PHF14: variants seen among roughly 807,000 people sequenced by gnomAD.
PHF14 encodes the protein PHD finger protein 14.
A neutral mutation model predicts 117.9 loss-of-function variants in PHF14; 55 were observed. That is an observed-to-expected ratio of 0.47 (90% CI 0.38 to 0.58). The LOEUF (loss-of-function observed/expected upper bound fraction) is 0.58. PHF14 is among the 20% of genes least tolerant of loss of function. PHF14 has a pLI of 0.00. For missense variants in PHF14, 978 were observed against 1,122.2 expected (o/e 0.87, Z 1.84); for synonymous variants, 409 against 368.6 (o/e 1.11, Z -1.26).
chr7:11,002,955 CT>C (rs966811367), intron 4 of PHF14, among the ~76,000 whole-genome samples: 54 of 148,336 alleles, frequency 3.6e-4, no homozygotes, highest in African/African-American at 9.6e-4. Context: ...ATTTTTCTTT[CT>C]TTTTTTTTTG....
At chr7:11,109,028 A>G (rs1267629508) in intron 16 of PHF14, 7 of 151,936 alleles carry the variant, frequency 4.6e-5, no homozygotes, top group Admixed American at 4.6e-4. Flanking sequence ...GCACTACCCA[A>G]AAACCTAAAG....
At chr7:11,006,320 A>AT (rs1783091312) in intron 4 of PHF14, 2 of 415,868 alleles carry the variant, frequency 4.8e-6, no homozygotes, top group Non-Finnish European at 9.2e-6. Context: ...CTTGCCTGTC[A>AT]TTTTCTTAGT....
At chr7:11,040,041 T>C (rs760990680) in intron 11 of PHF14, among the ~76,000 whole-genome samples, 5 of 152,182 alleles carry the variant, frequency 3.3e-5, no homozygotes, top group Non-Finnish European at 7.4e-5. Context: ...TAAAAGACTT[T>C]TAACAGAGGT....
At chr7:11,164,611 C>A (rs577670642) in intron 17 of PHF14, among the ~76,000 whole-genome samples, 8 of 152,232 alleles carry the variant, frequency 5.3e-5, no homozygotes, top group Non-Finnish European at 8.8e-5. Flanking sequence ...TTTTTATTTT[C>A]TGTTTCTTTA....
intron 17 of PHF14, among the ~76,000 whole-genome samples, chr7:11,133,971 C>T (rs185720106): frequency 7.2e-5 from 11 of 152,102 alleles, no homozygotes; most frequent in African/African-American, 2.4e-4. Flanking sequence ...GGATATTAAT[C>T]ACTTAAGTAG....
chr7:10,997,974 A>G (rs1382702909), intron 4 of PHF14, among the ~76,000 whole-genome samples: 1 of 152,220 alleles, frequency 6.6e-6, no homozygotes, highest in African/African-American at 2.4e-5. Context: ...CTGATTATTA[A>G]GGGCTATCTT....
intron 4 of PHF14, among the ~76,000 whole-genome samples, chr7:11,012,445 G>A (rs1425993445): frequency 2.0e-5 from 3 of 152,160 alleles, no homozygotes; most frequent in African/African-American, 7.2e-5. Flanking sequence ...TCCCACAAGT[G>A]TATTTTCACT....
At chr7:10,986,997 A>T (rs17536992) in intron 3 of PHF14, among the ~76,000 whole-genome samples, 5,080 of 152,268 alleles carry the variant, frequency 0.033, 129 homozygotes, top group Middle Eastern at 0.075. Context: ...TTTCCATAAA[A>T]GTCTCCGTTA....
intron 3 of PHF14, among the ~76,000 whole-genome samples, chr7:10,988,178 C>G (rs749862247): frequency 1.3e-5 from 2 of 152,032 alleles, no homozygotes; most frequent in East Asian, 3.8e-4. Context: ...CTTTGCGTTA[C>G]ATTTCTATTA....
At chr7:11,117,934 A>G (rs1021089452) in intron 17 of PHF14, among the ~76,000 whole-genome samples, 2 of 151,834 alleles carry the variant, frequency 1.3e-5, no homozygotes, top group African/African-American at 4.8e-5. Flanking sequence ...ATCTGACATT[A>G]GATTGAATTT....
intron 17 of PHF14, among the ~76,000 whole-genome samples, chr7:11,121,986 A>G (rs1787769940): frequency 6.6e-6 from 1 of 151,120 alleles, no homozygotes; most frequent in African/African-American, 2.4e-5. Flanking sequence ...TGCATTAGGT[A>G]TTTGTCCTAA....
intron 17 of PHF14, among the ~76,000 whole-genome samples, chr7:11,151,594 TG>T (rs1232060419): frequency 1.3e-5 from 2 of 152,104 alleles, no homozygotes; most frequent in African/African-American, 4.8e-5. Context: ...TTGTTGTTGT[TG>T]TTCTTAACTG....
intron 4 of PHF14, among the ~76,000 whole-genome samples, chr7:10,993,431 C>G (rs1029992166): frequency 1.3e-5 from 2 of 152,114 alleles, no homozygotes; most frequent in African/African-American, 4.8e-5. Context: ...CTAACACTCA[C>G]TGTGGGAATA....
chr7:10,985,259 A>G (rs1318907343), intron 3 of PHF14, among the ~76,000 whole-genome samples: 1 of 152,124 alleles, frequency 6.6e-6, no homozygotes, highest in African/African-American at 2.4e-5. Context: ...AGCTAGTGAT[A>G]ATTTCTGTGT....
chr7:11,096,569 A>T (rs1338315788), intron 16 of PHF14, among the ~76,000 whole-genome samples: 1 of 152,092 alleles, frequency 6.6e-6, no homozygotes, highest in Non-Finnish European at 1.5e-5. Flanking sequence ...ATGTTGCTTT[A>T]ACCTGGGACA....
At chr7:11,120,447 C>CAT (rs2128345678) in intron 17 of PHF14, among the ~76,000 whole-genome samples, 1 of 152,092 alleles carries the variant, frequency 6.6e-6, no homozygotes, top group Admixed American at 6.6e-5. Context: ...GTTTCATTTT[C>CAT]TGCCTTCACA....
intron 7 of PHF14, among the ~76,000 whole-genome samples, chr7:11,030,383 T>C (rs1470813970): frequency 2.0e-5 from 3 of 152,048 alleles, no homozygotes; most frequent in South Asian, 2.1e-4. Context: ...TTGGAGCCAG[T>C]GGAGAGCTTT....
At chr7:11,037,232 A>C in intron 10 of PHF14, 141 bp downstream of exon 10, 1 of 608,742 alleles carries the variant, frequency 1.6e-6, no homozygotes, top group Non-Finnish European at 2.8e-6. Flanking sequence ...CCTACTCCTC[A>C]TTAGCTTCAT....
rs1297560018 is a variant in PHF14 at position 11,013,850 on chromosome 7, T to A, written c.1149T>A (p.Pro383=). The A allele has an allele frequency of 1.4e-5, 23 of 1,611,728 alleles. No homozygotes were observed. Among genetic ancestry groups the A allele is most frequent in the Non-Finnish European group, 2.0e-5 (23 of 1,178,060 alleles). ...ATGCCTGTAAATGTGGTGTTTCTCC[T>A]AGCTGTGAACTGTGTCCTAATCAGG... ...FCDACKCGVS[P]SCELCPNQDG... is the part of the protein sequence containing the mutation. The change falls in exon 5 of 18, where the codon CCT becomes CCA. Residue 383 remains proline (P), a synonymous_variant. Transcript: ENST00000634607.
Sources: allele counts gnomAD v4.1 joint callset (sites outside exome capture counted in the v4.1 genomes callset), GRCh38; gene constraint gnomAD v4.1.1; transcripts MANE v1.5; gene names NCBI Gene and HGNC (gene_info 2026-07-23, HGNC 2026-07-21).